Variants in FMN2 observed in about 807,000 individuals in gnomAD.
FMN2 encodes the protein formin-2.
FMN2 carries 51 observed loss-of-function variants against 142.3 expected under a neutral mutation model. That is an observed-to-expected ratio of 0.36 (90% CI 0.29 to 0.45). The LOEUF is 0.45. Ranked by LOEUF, FMN2 falls within the 20% of genes least tolerant of loss-of-function variation. The pLI, the probability that FMN2 is intolerant of heterozygous loss-of-function variation, is 1.00. For synonymous variants in FMN2, 882 were observed against 869.8 expected (o/e 1.01, Z -0.25); for missense variants, 1,936 against 2,122.8 (o/e 0.91, Z 1.73).
chr1:240,263,686 A>G (rs1668703995), intron 7 of FMN2, among the ~76,000 whole-genome samples: 1 of 152,078 alleles, frequency 6.6e-6, no homozygotes, highest in South Asian at 2.1e-4. Context: ...TCTCTTAGAC[A>G]CTCCCTCTGC....
intron 1 of FMN2, among the ~76,000 whole-genome samples, chr1:240,114,168 G>A (rs1384296475): frequency 6.6e-6 from 1 of 152,068 alleles, no homozygotes. Context: ...TTTAAAACAA[G>A]CTCCAGACAT....
At chr1:240,280,580 C>T (rs1190199183) in intron 7 of FMN2, among the ~76,000 whole-genome samples, 1 of 152,122 alleles carries the variant, frequency 6.6e-6, no homozygotes, top group Non-Finnish European at 1.5e-5. Flanking sequence ...TTTACAAGAG[C>T]ATAAATGTTT....
chr1:240,440,148 T>G (rs1357840348), intron 16 of FMN2, among the ~76,000 whole-genome samples: 1 of 152,192 alleles, frequency 6.6e-6, no homozygotes, highest in African/African-American at 2.4e-5. Context: ...GGAGAATGGC[T>G]TGGTCCTGTC....
At chr1:240,325,343 C>CAAA (rs5782134) in intron 8 of FMN2, among the ~76,000 whole-genome samples, 7,678 of 107,904 alleles carry the variant, frequency 0.071, 360 homozygotes, top group South Asian at 0.13. Flanking sequence ...ACCCTGTCTC[C>CAAA]AAAAAAAAAA....
intron 7 of FMN2, among the ~76,000 whole-genome samples, chr1:240,258,874 A>G (rs111588989): frequency 2.6e-5 from 4 of 152,216 alleles, no homozygotes; most frequent in East Asian, 1.9e-4. Flanking sequence ...CAGTTTACCT[A>G]TTAAAGAAAT....
At chr1:240,310,567 G>GT (rs1346416663) in intron 8 of FMN2, among the ~76,000 whole-genome samples, 13 of 152,138 alleles carry the variant, frequency 8.5e-5, no homozygotes, top group Admixed American at 8.5e-4. Context: ...GTACAACCTA[G>GT]TGAGTTTTTA....
chr1:240,273,626 GT>G (rs1450024583), intron 7 of FMN2, among the ~76,000 whole-genome samples: 4 of 152,128 alleles, frequency 2.6e-5, no homozygotes, highest in African/African-American at 9.7e-5. Flanking sequence ...ACACATTCAT[GT>G]TCTGTGTATG....
chr1:240,445,526 G>A (rs1045893850), intron 16 of FMN2, among the ~76,000 whole-genome samples: 6 of 152,112 alleles, frequency 3.9e-5, no homozygotes, highest in South Asian at 2.1e-4. Context: ...TGAGCATTCC[G>A]GGTAGATGGT....
At chr1:240,323,828 G>A (rs1205595297) in intron 8 of FMN2, among the ~76,000 whole-genome samples, 1 of 152,086 alleles carries the variant, frequency 6.6e-6, no homozygotes, top group Non-Finnish European at 1.5e-5. Context: ...ATCTGTCCTT[G>A]GCTGACTTCT....
chr1:240,245,478 C>T, intron 6 of FMN2: 1 of 469,026 alleles, frequency 2.1e-6, no homozygotes, highest in East Asian at 7.0e-5. Flanking sequence ...GGAAGTTAGT[C>T]AAAGGTTCCC....
At chr1:240,371,230 G>A (rs1405092064) in intron 14 of FMN2, among the ~76,000 whole-genome samples, 2 of 152,108 alleles carry the variant, frequency 1.3e-5, no homozygotes, top group African/African-American at 4.8e-5. Context: ...AAAGTGTTGA[G>A]ATTACAGTCA....
chr1:240,129,700 G>A (rs1413233691), intron 2 of FMN2, among the ~76,000 whole-genome samples: 3 of 151,590 alleles, frequency 2.0e-5, no homozygotes, highest in African/African-American at 7.3e-5. Flanking sequence ...ATGGGGTTTG[G>A]CCATGTTGCC....
chr1:240,314,592 T>G (rs1558428015), intron 8 of FMN2, among the ~76,000 whole-genome samples: 4 of 152,314 alleles, frequency 2.6e-5, no homozygotes, highest in African/African-American at 4.8e-5. Flanking sequence ...TTAATAAATG[T>G]AAAAATTTTG....
intron 6 of FMN2, among the ~76,000 whole-genome samples, chr1:240,226,357 A>G (rs1416596364): frequency 6.6e-6 from 1 of 152,226 alleles, no homozygotes; most frequent in Non-Finnish European, 1.5e-5. Context: ...ATCAGAATTA[A>G]TGAAGACCAG....
chr1:240,098,097 AT>A (rs35191164), intron 1 of FMN2, among the ~76,000 whole-genome samples: 41,723 of 98,980 alleles, frequency 0.42, 8,869 homozygotes, highest in Middle Eastern at 0.55. Context: ...GTTATCTTGA[AT>A]TTTTTTTTTT....
At chr1:240,285,691 G>A (rs1669566566) in intron 7 of FMN2, among the ~76,000 whole-genome samples, 1 of 152,104 alleles carries the variant, frequency 6.6e-6, no homozygotes, top group South Asian at 2.1e-4. Flanking sequence ...ACGTGTATCG[G>A]AAGGAATTTA....
chr1:240,269,152 C>T (rs1342895131), intron 7 of FMN2, among the ~76,000 whole-genome samples: 2 of 151,942 alleles, frequency 1.3e-5, no homozygotes, highest in Admixed American at 6.6e-5. Flanking sequence ...CCTTTCCTAA[C>T]CCCTGTGTTT....
chr1:240,265,913 G>GTTTTTTTTTTTTTTTT (rs1352056925), intron 7 of FMN2, among the ~76,000 whole-genome samples: 1 of 102,308 alleles, frequency 9.8e-6, no homozygotes. Context: ...ACTTAAAGGG[G>GTTTTTTTTTTTTTTTT]TTTGTTTTTT....
At chr1:240,214,923 G>A (rs957642166) in intron 6 of FMN2, among the ~76,000 whole-genome samples, 26 of 152,196 alleles carry the variant, frequency 1.7e-4, no homozygotes, top group Admixed American at 1.6e-3. Context: ...AAAATTAGCT[G>A]GGTGCAGTGG....
Sources: allele counts gnomAD v4.1 joint callset (sites outside exome capture counted in the v4.1 genomes callset), GRCh38; gene constraint gnomAD v4.1.1; transcripts MANE v1.5; gene names NCBI Gene and HGNC (gene_info 2026-07-23, HGNC 2026-07-21).